Variants in ARHGAP15 observed in about 807,000 individuals in gnomAD.
The protein encoded by ARHGAP15 is Rho GTPase activating protein 15, also known as rho GTPase-activating protein 15.
In ARHGAP15, 51 loss-of-function variants were observed where a neutral mutation model predicts 63.7. The observed-to-expected ratio is 0.80, with a 90% CI of 0.64 to 1.01. The LOEUF is 1.01. ARHGAP15 is among the 50% of genes least tolerant of loss of function. ARHGAP15 has a pLI of 0.00. For missense variants in ARHGAP15, 560 were observed against 564.6 expected, an observed-to-expected ratio of 0.99 and a Z score of 0.08; for synonymous variants, 191 against 193.8, an observed-to-expected ratio of 0.99 and a Z score of 0.12.
chr2:143,543,388 G>A (rs969638175), intron 10 of ARHGAP15, among the ~76,000 whole-genome samples: 3 of 151,784 alleles, frequency 2.0e-5, no homozygotes, highest in African/African-American at 7.3e-5. Context: ...TTTAACTTGG[G>A]CTCAGGTTGT....
intron 11 of ARHGAP15, among the ~76,000 whole-genome samples, chr2:143,603,947 T>A (rs537747595): frequency 6.6e-6 from 1 of 152,182 alleles, no homozygotes; most frequent in African/African-American, 2.4e-5. Context: ...AAATGAAATA[T>A]CTACTTTAGC....
At chr2:143,140,003 A>T (rs1207557861) in intron 1 of ARHGAP15, among the ~76,000 whole-genome samples, 2 of 152,192 alleles carry the variant, frequency 1.3e-5, no homozygotes, top group East Asian at 3.9e-4. Flanking sequence ...CATGAGGCAC[A>T]TAGTAAATCA....
At position 143,436,944 on chromosome 2, in the gene ARHGAP15, T is replaced by C. The variant is rs1251780866; in HGVS notation, c.605T>C (p.Leu202Pro). 1.2e-6 allele frequency: 2 copies of C among 1,611,410 alleles called. No individual in the cohort carries two copies. Among genetic ancestry groups the C allele is most frequent in the African/African-American group, 2.7e-5 (2 of 74,796 alleles). ...PKDSSCPSRN[L>P]ELFKIQRSSS... ...GATTCAAGTTGTCCATCAAGAAACC[T>C]GGAATTATTCAAAATCCAAAGATCC... The change falls in exon 8 of 14, where the codon CTG (leucine) becomes CCG (proline). Residue 202 changes from leucine to proline, a missense_variant. Leu to Pro is a moderately conservative substitution (Grantham distance 98, BLOSUM62 -3). Transcript: ENST00000295095.
At chr2:143,335,671 A>T (rs1490755665) in intron 6 of ARHGAP15, among the ~76,000 whole-genome samples, 2 of 152,200 alleles carry the variant, frequency 1.3e-5, no homozygotes, top group Non-Finnish European at 2.9e-5. Flanking sequence ...GTGTTTAGGG[A>T]TATAACTACC....
chr2:143,427,074 C>T (rs1689166385), intron 6 of ARHGAP15, among the ~76,000 whole-genome samples: 1 of 152,122 alleles, frequency 6.6e-6, no homozygotes, highest in African/African-American at 2.4e-5. Context: ...GCAAATAAGT[C>T]TGTACAGCAC....
At chr2:143,516,212 T>C (rs1272497741) in intron 9 of ARHGAP15, among the ~76,000 whole-genome samples, 1 of 152,212 alleles carries the variant, frequency 6.6e-6, no homozygotes, top group African/African-American at 2.4e-5. Flanking sequence ...GGTTGTTATA[T>C]TACCAGAGCC....
intron 11 of ARHGAP15, among the ~76,000 whole-genome samples, chr2:143,594,781 G>T (rs10803495): frequency 1.3e-5 from 2 of 152,028 alleles, no homozygotes; most frequent in African/African-American, 4.8e-5. Flanking sequence ...TTGATTGCTG[G>T]TGGAGCAAAT....
chr2:143,541,139 G>A (rs536490000), intron 10 of ARHGAP15, among the ~76,000 whole-genome samples: 32 of 151,812 alleles, frequency 2.1e-4, no homozygotes, highest in African/African-American at 7.0e-4. Context: ...ATCTTCCATC[G>A]CTGATACCCT....
intron 10 of ARHGAP15, among the ~76,000 whole-genome samples, chr2:143,545,283 C>T (rs754139429): frequency 3.3e-5 from 5 of 151,894 alleles, no homozygotes; most frequent in Admixed American, 6.6e-5. Context: ...GGAGGCACCT[C>T]CCCAAAGATC....
At chr2:143,196,928 C>A (rs959132567) in intron 2 of ARHGAP15, among the ~76,000 whole-genome samples, 2 of 151,856 alleles carry the variant, frequency 1.3e-5, no homozygotes, top group African/African-American at 4.8e-5. Context: ...TTGTATCAAG[C>A]TACTGCTAAT....
At chr2:143,213,609 G>T (rs1408908585) in intron 3 of ARHGAP15, among the ~76,000 whole-genome samples, 4 of 152,226 alleles carry the variant, frequency 2.6e-5, no homozygotes, top group African/African-American at 9.6e-5. Context: ...TATACTACGT[G>T]TAGAAATCTG....
chr2:143,460,374 T>G (rs1188237648), intron 8 of ARHGAP15, among the ~76,000 whole-genome samples: 1 of 152,182 alleles, frequency 6.6e-6, no homozygotes, highest in African/African-American at 2.4e-5. Flanking sequence ...ATGTATTTTT[T>G]GCTACTAGTT....
chr2:143,581,814 C>A (rs1190370009), intron 11 of ARHGAP15, among the ~76,000 whole-genome samples: 1 of 152,132 alleles, frequency 6.6e-6, no homozygotes, highest in Non-Finnish European at 1.5e-5. Flanking sequence ...TTTGGAAGAG[C>A]AAAAACTCTC....
chr2:143,631,228 A>AAACAAC (rs2105254821), intron 12 of ARHGAP15, among the ~76,000 whole-genome samples: 1 of 152,162 alleles, frequency 6.6e-6, no homozygotes, highest in East Asian at 1.9e-4. Flanking sequence ...GTTTATGGAT[A>AAACAAC]TTTGGGTTGT....
chr2:143,384,889 A>G (rs1488648263), intron 6 of ARHGAP15, among the ~76,000 whole-genome samples: 1 of 152,210 alleles, frequency 6.6e-6, no homozygotes, highest in Non-Finnish European at 1.5e-5. Context: ...GCTTCAGTGC[A>G]TTCAGAGAAA....
At chr2:143,367,233 T>C (rs1686334136) in intron 6 of ARHGAP15, among the ~76,000 whole-genome samples, 1 of 152,034 alleles carries the variant, frequency 6.6e-6, no homozygotes, top group African/African-American at 2.4e-5. Context: ...TCCCCCAAAA[T>C]TAATTTTATC....
chr2:143,328,724 A>T (rs1684371274), intron 6 of ARHGAP15, among the ~76,000 whole-genome samples: 1 of 152,128 alleles, frequency 6.6e-6, no homozygotes, highest in African/African-American at 2.4e-5. Flanking sequence ...CCCAGAACTT[A>T]AAGTATAATA....
intron 13 of ARHGAP15, among the ~76,000 whole-genome samples, chr2:143,744,240 G>A (rs1406241079): frequency 6.6e-6 from 1 of 152,178 alleles, no homozygotes; most frequent in Admixed American, 6.5e-5. Context: ...ACTTGGGGAG[G>A]CCAACTTTGT....
chr2:143,429,833 CT>C (rs1339802511), intron 6 of ARHGAP15, among the ~76,000 whole-genome samples: 1 of 152,096 alleles, frequency 6.6e-6, no homozygotes, highest in Admixed American at 6.6e-5. Flanking sequence ...CAAATATTCC[CT>C]AAGAAAGTAT....
Sources: gnomAD v4.1 joint callset for allele counts (sites outside exome capture counted in the v4.1 genomes callset) on GRCh38, gnomAD v4.1.1 for gene constraint, MANE v1.5 for transcripts, NCBI Gene and HGNC (gene_info 2026-07-23, HGNC 2026-07-21) for gene names.